Variants in PDE1A observed in about 807,000 individuals in gnomAD.
The protein encoded by PDE1A is dual specificity calcium/calmodulin-dependent 3',5'-cyclic nucleotide phosphodiesterase 1A.
Under a neutral mutation model 61.7 loss-of-function variants are expected in PDE1A, and 35 were observed. The observed-to-expected ratio is 0.57, with a 90% confidence interval of 0.43 to 0.75. PDE1A has a LOEUF of 0.75. Ranked by LOEUF, PDE1A falls within the 30% of genes least tolerant of loss-of-function variation. PDE1A has a pLI of 0.00. For synonymous variants in PDE1A, 232 were observed against 213.2 expected (o/e 1.09, Z -0.77); for missense variants, 597 against 630.6 (o/e 0.95, Z 0.57).
chr2:182,586,979 C>T, the PDE1A span, among the ~76,000 whole-genome samples: 2 of 152,056 alleles, frequency 1.3e-5, no homozygotes, highest in African/African-American at 2.4e-5. Flanking sequence ...TGAAAGGGCA[C>T]GTAACCCAGT....
At chr2:182,356,319 T>G (rs547368324) in intron 1 of PDE1A, among the ~76,000 whole-genome samples, 1 of 152,244 alleles carries the variant, frequency 6.6e-6, no homozygotes, top group South Asian at 2.1e-4. Context: ...ATCAAAAGAT[T>G]ACATGACCTT....
At chr2:182,553,594 A>G in the PDE1A span, among the ~76,000 whole-genome samples, 100 of 152,332 alleles carry the variant, frequency 6.6e-4, 3 homozygotes, top group South Asian at 0.019. Flanking sequence ...AGTTGGGAGC[A>G]TGTGGAGATA....
intron 13 of PDE1A, among the ~76,000 whole-genome samples, chr2:182,162,200 A>G (rs1274257892): frequency 2.0e-5 from 3 of 152,168 alleles, no homozygotes; most frequent in African/African-American, 4.8e-5. Flanking sequence ...CAATCACTCA[A>G]TTAGAAAACA....
intron 2 of PDE1A, among the ~76,000 whole-genome samples, chr2:182,243,698 G>A (rs1340472280): frequency 6.6e-6 from 1 of 152,192 alleles, no homozygotes; most frequent in Non-Finnish European, 1.5e-5. Context: ...AAAGTTGTAA[G>A]AATGGTGTTT....
At chr2:182,206,508 C>G (rs1687116393) in intron 7 of PDE1A, among the ~76,000 whole-genome samples, 1 of 152,128 alleles carries the variant, frequency 6.6e-6, no homozygotes, top group Admixed American at 6.5e-5. Context: ...TATTATAGTA[C>G]CATACAGAGT....
In PDE1A at chr2:182,426,886, C is replaced by CT; in HGVS notation, c.-257_-256insA. On this transcript the variant is annotated 5_prime_UTR_variant, in exon 1 of 14. It removes the in-frame stop codon of an upstream open reading frame in the 5' UTR. Transcript: ENST00000351439. ...GGTGTGCAAAAACCACCAAGAGTCA[C>CT]GTTGATCCAGGCAAGAGAAGTGCAC... The CT allele has an allele frequency of 7.9e-6, 10 of 1,268,024 alleles. No homozygotes were observed. Among genetic ancestry groups the CT allele is most frequent in the Non-Finnish European group, 9.0e-6 (9 of 1,004,130 alleles). 78.5% of individuals were successfully genotyped at this position (1,268,024 alleles called of 1,614,324 possible).
At chr2:182,529,613 G>C in the PDE1A span, among the ~76,000 whole-genome samples, 1 of 152,126 alleles carries the variant, frequency 6.6e-6, no homozygotes, top group Non-Finnish European at 1.5e-5. Flanking sequence ...GGCCAGGAGC[G>C]GAATGATATG....
chr2:182,411,495 G>A (rs1702613330), intron 1 of PDE1A, among the ~76,000 whole-genome samples: 1 of 152,078 alleles, frequency 6.6e-6, no homozygotes, highest in African/African-American at 2.4e-5. Flanking sequence ...GACAATTGGG[G>A]TATGTATTTA....
chr2:182,164,230 C>A (rs1467594800), downstream of PDE1A, among the ~76,000 whole-genome samples: 1 of 152,032 alleles, frequency 6.6e-6, no homozygotes, highest in Non-Finnish European at 1.5e-5. Context: ...TGAAGAAGCC[C>A]AAATGCCCAT....
At chr2:182,195,281 A>C (rs992751415) in intron 10 of PDE1A, among the ~76,000 whole-genome samples, 1 of 152,100 alleles carries the variant, frequency 6.6e-6, no homozygotes, top group African/African-American at 2.4e-5. Flanking sequence ...AATACCACCA[A>C]TTCCTCACAT....
chr2:182,443,561 C>G (rs1379330721), intron 2 of PDE1A, among the ~76,000 whole-genome samples: 1 of 152,004 alleles, frequency 6.6e-6, no homozygotes, highest in Non-Finnish European at 1.5e-5. Flanking sequence ...CTGTCTCTCT[C>G]CTGTCAACAT....
chr2:182,382,808 C>T (rs185331154), intron 1 of PDE1A, among the ~76,000 whole-genome samples: 1 of 152,092 alleles, frequency 6.6e-6, no homozygotes, highest in East Asian at 1.9e-4. Flanking sequence ...TTTATACTCT[C>T]CTATAGGCTG....
chr2:182,648,246 C>G, the PDE1A span, among the ~76,000 whole-genome samples: 1 of 151,916 alleles, frequency 6.6e-6, no homozygotes, highest in Non-Finnish European at 1.5e-5. Flanking sequence ...ACATTCTGAG[C>G]CTTGCGAGTA....
the PDE1A span, among the ~76,000 whole-genome samples, chr2:182,635,993 T>C: frequency 2.7e-5 from 4 of 145,534 alleles, no homozygotes; most frequent in African/African-American, 1.0e-4. Flanking sequence ...TCTTGCTCTT[T>C]TGCCCAGGCC....
intron 2 of PDE1A, among the ~76,000 whole-genome samples, chr2:182,241,549 C>A (rs1690511695): frequency 6.6e-6 from 1 of 152,118 alleles, no homozygotes; most frequent in Non-Finnish European, 1.5e-5. Context: ...TAAAGAGAGG[C>A]TCAAAAGGTA....
intron 2 of PDE1A, among the ~76,000 whole-genome samples, chr2:182,438,778 G>A (rs1463028121): frequency 6.6e-6 from 1 of 152,002 alleles, no homozygotes; most frequent in East Asian, 1.9e-4. Flanking sequence ...CCATACTGAA[G>A]AGCTGAGACT....
At chr2:182,655,948 CA>C in the PDE1A span, among the ~76,000 whole-genome samples, 1 of 152,220 alleles carries the variant, frequency 6.6e-6, no homozygotes, top group African/African-American at 2.4e-5. Flanking sequence ...AAGATCACTT[CA>C]AAAACTGCCT....
the PDE1A span, among the ~76,000 whole-genome samples, chr2:182,604,380 A>G: frequency 1.3e-5 from 2 of 152,184 alleles, no homozygotes; most frequent in Non-Finnish European, 2.9e-5. Context: ...TATTTCTTGA[A>G]CATTGCTTAG....
intron 2 of PDE1A, among the ~76,000 whole-genome samples, chr2:182,517,716 T>C (rs908093499): frequency 6.6e-6 from 1 of 152,216 alleles, no homozygotes; most frequent in East Asian, 1.9e-4. Flanking sequence ...TCTTTGCACA[T>C]TTTTAACAGG....
Sources: gnomAD v4.1 joint callset for allele counts (sites outside exome capture counted in the v4.1 genomes callset) on GRCh38, gnomAD v4.1.1 for gene constraint, MANE v1.5 for transcripts, NCBI Gene and HGNC (gene_info 2026-07-23, HGNC 2026-07-21) for gene names.